Variants in TPTE2 observed in about 807,000 individuals in gnomAD.
TPTE2 encodes the protein phosphatidylinositol 3,4,5-trisphosphate 3-phosphatase TPTE2.
A neutral mutation model predicts 78.6 loss-of-function variants in TPTE2; 53 were observed. The ratio of observed to expected loss-of-function variants is 0.67; its 90% CI spans 0.54 to 0.85. The LOEUF (loss-of-function observed/expected upper bound fraction) is 0.85, where lower values mean the gene tolerates loss of function less well. Ranked by LOEUF, TPTE2 falls within the 40% of genes least tolerant of loss-of-function variation. The pLI is 0.00. For missense variants in TPTE2, 461 were observed against 623.0 expected (o/e 0.74, Z 2.77); for synonymous variants, 175 against 206.2 (o/e 0.85, Z 1.30).
In TPTE2 at chr13:19,493,398, T is replaced by A. The variant is rs1881125062; in HGVS notation, c.65+50A>T. On this transcript the variant is annotated intron_variant, in intron 2 of 19. Coordinates refer to ENST00000400230, the Ensembl canonical transcript of TPTE2. ...ATATGCCTGTGTGTGTGTATAGTTC[T>A]ATGCACACTTATGCTGACGGGTGAC... 7 of 1,554,572 alleles carry A rather than the reference T, an allele frequency of 4.5e-6. 1 individual carries two copies. The highest frequency in any genetic ancestry group is 6.2e-6 in the Non-Finnish European group (7 of 1,125,974).
upstream of TPTE2, among the ~76,000 whole-genome samples, chr13:19,537,897 A>T (rs912404407): frequency 6.6e-6 from 1 of 151,890 alleles, no homozygotes; most frequent in Non-Finnish European, 1.5e-5. Flanking sequence ...GAGCCACCAT[A>T]CCCGGCCGGA....
At chr13:19,556,655 T>C in the TPTE2 span, among the ~76,000 whole-genome samples, 1 of 152,186 alleles carries the variant, frequency 6.6e-6, no homozygotes, top group East Asian at 1.9e-4. Flanking sequence ...CCTCCCAAGT[T>C]GCTAGGATTA....
upstream of TPTE2, among the ~76,000 whole-genome samples, chr13:19,539,072 C>A (rs1465220116): frequency 6.6e-6 from 1 of 152,150 alleles, no homozygotes; most frequent in African/African-American, 2.4e-5. Context: ...GCCACCAGTG[C>A]CCTCCCATGA....
rs543977707 is a variant in TPTE2, at chr13:19,491,129, A to T, written c.119+1721T>A. ...CATACAATGAACTTCCCAAATCTGA[A>T]TCTCTCCTTTCTACATGTATACTTT... On this transcript the variant is annotated intron_variant, in intron 3 of 19. Transcript: ENST00000400230. 4.6e-5 allele frequency among the ~76,000 whole-genome samples: 7 copies of T among 152,236 alleles called. No individual in the cohort carries two copies. The South Asian group carries it at 1.5e-3, about 32-fold the overall frequency.
At chr13:19,544,951 C>T in the TPTE2 span, among the ~76,000 whole-genome samples, 1 of 148,006 alleles carries the variant, frequency 6.8e-6, no homozygotes, top group Non-Finnish European at 1.5e-5. Flanking sequence ...CACACACACA[C>T]ACACACACAC....
At position 19,424,757 on chromosome 13, in the gene TPTE2, G is replaced by T. The variant is rs1875890536; in HGVS notation, c.1466+190C>A. Among the ~76,000 whole-genome samples the T allele has an allele frequency of 2.6e-5, 4 of 152,154 alleles. No homozygotes were observed. In the South Asian group the frequency reaches 8.3e-4, roughly 32 times the overall value. On this transcript the variant is annotated intron_variant, in intron 19 of 19. Transcript: ENST00000400230. ...TGGACCCTGAGGATACTGCAACAGT[G>T]GGTCTCAAGAACAAATGTATTTTTA...
At chr13:19,539,614 G>A (rs989123115), upstream of TPTE2, among the ~76,000 whole-genome samples, 2 of 152,090 alleles carry the variant, frequency 1.3e-5, no homozygotes, top group African/African-American at 4.8e-5. Flanking sequence ...ATTTTATCAC[G>A]TGTCAAATTT....
chr13:19,423,174 G>GAA lies in TPTE2; in HGVS notation c.1467-12_1467-11dup. 6 of 1,508,014 alleles carry GAA rather than the reference G, an allele frequency of 4.0e-6. No homozygotes were observed. The highest frequency in any genetic ancestry group is 2.0e-5 in the Admixed American group (1 of 50,094). 93.4% of individuals were successfully genotyped at this position (1,508,014 alleles called of 1,614,324 possible). A position where few individuals can be genotyped will look rare whatever the true frequency, so the allele number is the denominator to read the frequency against. On this transcript the variant is annotated splice_polypyrimidine_tract_variant and intron_variant, in intron 19 of 19. Transcript: ENST00000400230. ...TCTTGGTAGACAAAGCCTAAGAATA[G>GAA]AAAAAAAAAATTACATTTTATATTG...
At chr13:19,533,553 T>C (rs994617492) in intron 1 of TPTE2, among the ~76,000 whole-genome samples, 2 of 152,214 alleles carry the variant, frequency 1.3e-5, no homozygotes, top group African/African-American at 4.8e-5. Flanking sequence ...ACTCTGTCCA[T>C]TGTGGCACTG....
Position 19,502,802 on chromosome 13 carries a change from AAAAAATAAAAAT to A in TPTE2, c.11+410_11+421del, listed in dbSNP as rs538947722. ...ACCCTAAAACTTAAAGTATAATTTT[AAAAAATAAAAAT>A]AAAAATAAAAATAAATCTCTCTTGT... is the stretch of plus-strand genomic sequence containing the variant. On this transcript the variant is annotated intron_variant, in intron 1 of 19. Coordinates refer to ENST00000400230, the Ensembl canonical transcript of TPTE2. 1.8e-4 allele frequency among the ~76,000 whole-genome samples: 28 copies of A among 152,076 alleles called. No homozygotes were observed. In the South Asian group the frequency reaches 3.9e-3, roughly 21 times the overall value.
At chr13:19,501,902 ATAAAGGGCTAATATCCAGAATC>A (rs1868587224) in intron 1 of TPTE2, among the ~76,000 whole-genome samples, 1 of 151,540 alleles carries the variant, frequency 6.6e-6, no homozygotes, top group South Asian at 2.1e-4. Flanking sequence ...TACTCATCTG[ATAAAGGGCTAATATCCAGAATC>A]TACAATGAAC....
At chr13:19,512,944 T>G (rs1357792143) in intron 1 of TPTE2, among the ~76,000 whole-genome samples, 3 of 152,164 alleles carry the variant, frequency 2.0e-5, no homozygotes, top group Non-Finnish European at 4.4e-5. Context: ...TTAAGGGTAT[T>G]GTTAAGCTGG....
intron 10 of TPTE2, among the ~76,000 whole-genome samples, chr13:19,455,723 G>T (rs753530904): frequency 7.2e-5 from 11 of 152,048 alleles, no homozygotes; most frequent in Non-Finnish European, 1.2e-4. Context: ...ACCAAAAGGA[G>T]TTTATTCCAA....
At chr13:19,425,000 A>G in exon 19 of TPTE2, 1 of 1,544,674 alleles carries the variant, frequency 6.5e-7, no homozygotes, top group South Asian at 1.2e-5. Context: ...GACAATTGTC[A>G]TAGTATTTAG....
chr13:19,482,273 G>A (rs991721759), intron 4 of TPTE2, among the ~76,000 whole-genome samples: 1 of 151,958 alleles, frequency 6.6e-6, no homozygotes, highest in Non-Finnish European at 1.5e-5. Flanking sequence ...TTTCAAGCTA[G>A]AAGAACATTT....
In TPTE2 at chr13:19,425,766, A is replaced by G. The variant is rs377396011; in HGVS notation, c.1395+659T>C. ...CTCTCTCTCGCTATTGCTCCCACCCATCAGTCGAGCACAGGTCTCCTGGAT... is the reference window on the plus strand; with the variant it reads ...CTCTCTCTCGCTATTGCTCCCACCCGTCAGTCGAGCACAGGTCTCCTGGAT... On this transcript the variant is annotated intron_variant, in intron 18 of 19. Transcript: ENST00000400230. 792 of 516,052 alleles carry G rather than the reference A, an allele frequency of 1.5e-3. 1 individual carries two copies. The highest frequency in any genetic ancestry group is 0.013 in the African/African-American group (650 of 51,834). The allele number at this position is 516,052 out of a possible 1,614,324, so 32.0% of individuals were successfully genotyped here.
intron 13 of TPTE2, among the ~76,000 whole-genome samples, chr13:19,443,685 G>T (rs1877633029): frequency 6.6e-6 from 1 of 151,724 alleles, no homozygotes; most frequent in South Asian, 2.1e-4. Flanking sequence ...GATTACAGGT[G>T]TAAGCCATGG....
rs186390545 is a variant in TPTE2 at position 19,527,851 on chromosome 13, G to A, written c.-44+8745C>T. 1.6e-3 allele frequency among the ~76,000 whole-genome samples: 245 copies of A among 152,342 alleles called. 1 individual carries two copies. Among genetic ancestry groups the A allele is most frequent in the African/African-American group, 5.6e-3 (234 of 41,586 alleles). On this transcript the variant is annotated intron_variant, in intron 1 of 17. Coordinates refer to the TPTE2 transcript ENST00000390680. ...TGGGAGCAGGTCCTAGAAGGACTTGGTGTCCACATCCAGGTTATGGGTCCT... is the reference window on the plus strand; with the variant it reads ...TGGGAGCAGGTCCTAGAAGGACTTGATGTCCACATCCAGGTTATGGGTCCT...
intron 3 of TPTE2, among the ~76,000 whole-genome samples, chr13:19,483,295 T>C (rs538165781): frequency 2.0e-5 from 3 of 152,244 alleles, no homozygotes; most frequent in Non-Finnish European, 4.4e-5. Flanking sequence ...GGTCCTGGAC[T>C]TTGTTGAAAG....
Sources: gnomAD v4.1 joint callset for allele counts (sites outside exome capture counted in the v4.1 genomes callset) on GRCh38, gnomAD v4.1.1 for gene constraint, MANE v1.5 for transcripts, NCBI Gene and HGNC (gene_info 2026-07-23, HGNC 2026-07-21) for gene names.